The following SENP2 variants were observed in gnomAD, a reference collection of about 807,000 sequenced individuals.
SENP2 encodes SUMO specific peptidase 2, also known as sentrin-specific protease 2.
SENP2 carries 16 observed loss-of-function variants against 86.3 expected under a neutral mutation model. The ratio of observed to expected loss-of-function variants is 0.19; its 90% CI spans 0.13 to 0.28. SENP2 has a LOEUF of 0.28. Ranked by LOEUF, SENP2 falls within the 10% of genes least tolerant of loss-of-function variation. The pLI is 1.00. For missense variants in SENP2, 552 were observed against 703.0 expected, an observed-to-expected ratio of 0.79 and a Z score of 2.43; for synonymous variants, 222 against 238.7, an observed-to-expected ratio of 0.93 and a Z score of 0.64.
chr3:185,590,235 TTCAAAAGGTAAAAAG>T, intron 2 of SENP2, 66 bp downstream of exon 2: 1 of 840,566 alleles, frequency 1.2e-6, no homozygotes, highest in South Asian at 1.8e-5. Context: ...TGGAACAAAA[TTCAAAAGGTAAAAAG>T]TATCTGGTAA....
In SENP2 at chr3:185,619,885, G is replaced by A. The variant is rs572421597; in HGVS notation, c.1446+383G>A. Among the ~76,000 whole-genome samples, 3 of 151,776 alleles carry A rather than the reference G, an allele frequency of 2.0e-5. No homozygotes were observed. In the South Asian group the frequency reaches 6.2e-4, roughly 32 times the overall value. On this transcript the variant is annotated intron_variant, in intron 13 of 16. Coordinates refer to ENST00000296257, the MANE Select transcript of SENP2 (RefSeq NM_021627.3). ...TAGGACTACAGGCATGGTCCACCAT[G>A]CTTGCCTAATTTTATTTATTTATAT...
rs530694295 is a variant in SENP2 at position 185,627,475 on chromosome 3, C to T, written c.1707+1082C>T. ...TTGCCCAGGCTGGAGTGCAGTGGCACGATCTCAGCTCACTACAACCTCTGC... is the reference window on the plus strand; with the variant it reads ...TTGCCCAGGCTGGAGTGCAGTGGCATGATCTCAGCTCACTACAACCTCTGC... On this transcript the variant is annotated intron_variant, in intron 16 of 16. Transcript: ENST00000296257. 2.6e-5 allele frequency among the ~76,000 whole-genome samples: 4 copies of T among 152,154 alleles called. No individual in the cohort carries two copies. The South Asian group carries it at 6.2e-4, about 24-fold the overall frequency.
intron 12 of SENP2, among the ~76,000 whole-genome samples, chr3:185,618,941 T>A (rs1435016669): frequency 6.6e-6 from 1 of 152,230 alleles, no homozygotes; most frequent in Non-Finnish European, 1.5e-5. Context: ...TCCTTCAAGT[T>A]AATATTTTAA....
Position 185,629,977 on chromosome 3 carries a change from A to C in SENP2, c.*133A>C. On this transcript the variant is annotated 3_prime_UTR_variant, in exon 17 of 17. Coordinates refer to ENST00000296257, the MANE Select transcript of SENP2 (RefSeq NM_021627.3). ...GGTACTGAGCTGTCAAAAGTGCATGAAGGCCTCTCACTGTACTCTAGTCCT... is the reference window on the plus strand; with the variant it reads ...GGTACTGAGCTGTCAAAAGTGCATGCAGGCCTCTCACTGTACTCTAGTCCT... The C allele has an allele frequency of 1.2e-6, 1 of 832,512 alleles. No homozygotes were observed. The highest frequency in any genetic ancestry group is 2.0e-6 in the Non-Finnish European group (1 of 509,668). The allele number at this position is 832,512 out of a possible 1,614,324, so 51.6% of individuals were successfully genotyped here. A position where few individuals can be genotyped will look rare whatever the true frequency, so the allele number is the denominator to read the frequency against.
In SENP2 at chr3:185,619,442, T is replaced by C; in HGVS notation, c.1386T>C (p.Asn462=). Residue 462 remains asparagine, a synonymous_variant, in exon 13 of 17, where the codon AAT becomes AAC. Transcript: ENST00000296257. ...QAVKRWTKGV[N]LFEQEIILVP... ...TGAAACGATGGACCAAAGGGGTAAA[T>C]CTCTTTGAACAAGAAATTATTCTGG... is the stretch of plus-strand genomic sequence containing the variant. The C allele has an allele frequency of 6.2e-7, 1 of 1,614,100 alleles. No individual in the cohort carries two copies. Among genetic ancestry groups the C allele is most frequent in the Non-Finnish European group, 8.5e-7 (1 of 1,180,000 alleles).
intron 11 of SENP2, among the ~76,000 whole-genome samples, chr3:185,615,604 A>G (rs928568987): frequency 6.6e-6 from 1 of 152,186 alleles, no homozygotes; most frequent in Non-Finnish European, 1.5e-5. Context: ...TCGGCCTCCC[A>G]AAGTGCTGGG....
intron 15 of SENP2, among the ~76,000 whole-genome samples, chr3:185,625,697 C>G (rs1712113560): frequency 6.6e-6 from 1 of 152,150 alleles, no homozygotes; most frequent in Non-Finnish European, 1.5e-5. Context: ...TTGGTTAAAG[C>G]CTATCCAGAA....
Position 185,614,630 on chromosome 3 carries a change from G to A in SENP2, c.1000G>A (p.Gly334Arg), listed in dbSNP as rs1711536130. Residue 334 changes from glycine to arginine, a missense_variant, in exon 11 of 17, where the codon GGA (glycine) becomes AGA (arginine). Physicochemically the swap from Gly to Arg is moderately radical, Grantham distance 125 (BLOSUM62 -2). Around this residue, in one of 2 missense-constraint regions of SENP2, gnomAD observed 383 missense variants for 427.3 expected, o/e 0.90. Coordinates refer to ENST00000296257, the MANE Select transcript of SENP2 (RefSeq NM_021627.3). ...EVSARLRLGS[G>R]SNGLLRRKVS... ...GTCGGCCCGACTCCGCCTGGGCAGT[G>A]GAAGCAATGGCTTACTCAGGAGGAA... 3.1e-6 allele frequency: 5 copies of A among 1,614,212 alleles called. No homozygotes were observed. Among genetic ancestry groups the A allele is most frequent in the African/African-American group, 1.3e-5 (1 of 75,060 alleles).
At chr3:185,594,230 A>G (rs1207975934) in intron 2 of SENP2, among the ~76,000 whole-genome samples, 1 of 152,068 alleles carries the variant, frequency 6.6e-6, no homozygotes, top group African/African-American at 2.4e-5. Flanking sequence ...ATTTAGGACA[A>G]TCATCTGTTT....
intron 2 of SENP2, among the ~76,000 whole-genome samples, chr3:185,591,756 G>T (rs369642239): frequency 6.9e-6 from 1 of 145,862 alleles, no homozygotes; most frequent in Admixed American, 6.9e-5. Context: ...TTCGAGACAG[G>T]GTCTCATTCT....
At chr3:185,592,034 T>TTTTTTTTAGTAA (rs1722024459) in intron 2 of SENP2, among the ~76,000 whole-genome samples, 1 of 114,586 alleles carries the variant, frequency 8.7e-6, no homozygotes, top group African/African-American at 3.6e-5. Flanking sequence ...TTTTTTTTTT[T>TTTTTTTTAGTAA]GAGACAGGAT....
chr3:185,590,687 G>GAA (rs1721951835), intron 2 of SENP2, among the ~76,000 whole-genome samples: 1 of 149,258 alleles, frequency 6.7e-6, no homozygotes, highest in Admixed American at 6.7e-5. Flanking sequence ...CCAACATGGT[G>GAA]AAACCCCATC....
At chr3:185,606,566 A>G in intron 6 of SENP2, 68 bp downstream of exon 6, 1 of 1,331,920 alleles carries the variant, frequency 7.5e-7, no homozygotes, top group Non-Finnish European at 1.0e-6. Flanking sequence ...CTGCCTAGAG[A>G]CACTCAGAAT....
intron 5 of SENP2, 78 bp from the exon 6 acceptor site, chr3:185,606,249 CACA>C: frequency 7.5e-7 from 1 of 1,327,510 alleles, no homozygotes; most frequent in South Asian, 1.5e-5. Context: ...GCAACTTAAT[CACA>C]GGATGGTCTG....
At chr3:185,617,809 G>A (rs147536418) in intron 12 of SENP2, among the ~76,000 whole-genome samples, 198 bp downstream of exon 12, 4 of 152,080 alleles carry the variant, frequency 2.6e-5, no homozygotes, top group Non-Finnish European at 4.4e-5. Flanking sequence ...CCTTTTCTGC[G>A]TCTGTATTTT....
At chr3:185,591,352 CTTAT>C (rs1027501149) in intron 2 of SENP2, among the ~76,000 whole-genome samples, 1 of 151,786 alleles carries the variant, frequency 6.6e-6, no homozygotes, top group African/African-American at 2.4e-5. Flanking sequence ...AAAGATACTT[CTTAT>C]TTATTTATTT....
chr3:185,627,556 G>T (rs1712209772), intron 16 of SENP2, among the ~76,000 whole-genome samples: 1 of 152,200 alleles, frequency 6.6e-6, no homozygotes, highest in Non-Finnish European at 1.5e-5. Flanking sequence ...GGGACTACAG[G>T]CATGCGCCAC....
At chr3:185,591,672 ATGT>A (rs1248438194) in intron 2 of SENP2, among the ~76,000 whole-genome samples, 4 of 151,934 alleles carry the variant, frequency 2.6e-5, no homozygotes, top group Non-Finnish European at 4.4e-5. Flanking sequence ...TAAGGAGGAA[ATGT>A]TGTAAATGTT....
rs1458811969 is a variant in SENP2, at chr3:185,621,935, C to G, written c.1526+30C>G. On this transcript the variant is annotated intron_variant, in intron 14 of 16. Coordinates refer to ENST00000296257, the MANE Select transcript of SENP2 (RefSeq NM_021627.3). ...GTAAAGGTTGAAAACCTCACTACCC[C>G]CTGTTGAGGTGATCTCTCTTTTATC... 19 of 1,405,988 alleles carry G rather than the reference C, an allele frequency of 1.4e-5. No homozygotes were observed. In the East Asian group the frequency reaches 2.3e-4, roughly 17 times the overall value. The allele number at this position is 1,405,988 out of a possible 1,614,324, so 87.1% of individuals were successfully genotyped here.
Sources: gnomAD v4.1 joint callset for allele counts (sites outside exome capture counted in the v4.1 genomes callset) on GRCh38, gnomAD v4.1.1 for gene constraint, gnomAD v4.1.1 regional missense constraint, MANE v1.5 for transcripts, NCBI Gene and HGNC (gene_info 2026-07-23, HGNC 2026-07-21) for gene names.